SLC35E4: variants seen among roughly 807,000 people sequenced by gnomAD.
The protein encoded by SLC35E4 is solute carrier family 35, member E4.
Under a neutral mutation model 19.3 loss-of-function variants are expected in SLC35E4, and 15 were observed. The ratio of observed to expected loss-of-function variants is 0.78; its 90% CI spans 0.52 to 1.20. The LOEUF (loss-of-function observed/expected upper bound fraction) is 1.20, where lower values mean the gene tolerates loss of function less well. SLC35E4 is among the 50% of genes most tolerant of loss of function. SLC35E4 has a pLI of 0.00. For missense variants in SLC35E4, 406 were observed against 472.3 expected (o/e 0.86, Z 1.30); for synonymous variants, 219 against 219.9 (o/e 1.00, Z 0.04).
chr22:30,665,400 C>A, downstream of SLC35E4: 1 of 381,804 alleles, frequency 2.6e-6, no homozygotes, highest in African/African-American at 2.1e-5. Context: ...GTGAACCGAG[C>A]CACTTACAGT....
downstream of SLC35E4, among the ~76,000 whole-genome samples, chr22:30,651,417 ATATATATATATTTTTTTTTTTT>A (rs1569062016): frequency 9.6e-4 from 64 of 66,496 alleles, no homozygotes; most frequent in Middle Eastern, 0.016. Context: ...ATATATATAT[ATATATATATATTTTTTTTTTTT>A]TTTTTTTTTT....
chr22:30,639,466 A>G (rs1013556525), intron 1 of SLC35E4, among the ~76,000 whole-genome samples: 1 of 152,178 alleles, frequency 6.6e-6, no homozygotes, highest in African/African-American at 2.4e-5. Flanking sequence ...GCAGACAACC[A>G]GTCTGACCAA....
At chr22:30,643,609 G>A (rs1327930510) in intron 1 of SLC35E4, among the ~76,000 whole-genome samples, 1 of 152,036 alleles carries the variant, frequency 6.6e-6, no homozygotes, top group Non-Finnish European at 1.5e-5. Context: ...CTGCCGGGGT[G>A]AGCCGGCATC....
chr22:30,667,015 C>G (rs1049729537), downstream of SLC35E4: 1 of 151,954 alleles, frequency 6.6e-6, no homozygotes, highest in African/African-American at 2.4e-5. Context: ...GAAGAAATCA[C>G]AAAAGATCTA....
chr22:30,662,280 T>C (rs1285614918), exon 3 of SLC35E4: 1 of 152,176 alleles, frequency 6.6e-6, no homozygotes, highest in Non-Finnish European at 1.5e-5. Context: ...AGGGCTGTCA[T>C]TGGACAGATG....
At chr22:30,663,772 G>T (rs199672327), downstream of SLC35E4, 1 of 1,614,098 alleles carries the variant, frequency 6.2e-7, no homozygotes. Context: ...TCACAGAGAC[G>T]TGAGTTAGGG....
rs1016436487 is a variant in SLC35E4 at position 30,646,474 on chromosome 22, G to A, written c.620-124G>A. 25 of 1,132,186 alleles carry A rather than the reference G, an allele frequency of 2.2e-5. No homozygotes were observed. The South Asian group carries it at 3.0e-4, about 14-fold the overall frequency. The allele number at this position is 1,132,186 out of a possible 1,614,324, so 70.1% of individuals were successfully genotyped here. A position where few individuals can be genotyped will look rare whatever the true frequency, so the allele number is the denominator to read the frequency against. On this transcript the variant is annotated intron_variant, in intron 1 of 1. Coordinates refer to ENST00000343605, the MANE Select transcript of SLC35E4 (RefSeq NM_001001479.4). Reference sequence around the variant, plus strand: ...TCTTGACTGTCATGTTTCAGATCAGGAGCCACTAGCCCTGCCCGAGGGGTC... The same window carrying A: ...TCTTGACTGTCATGTTTCAGATCAGAAGCCACTAGCCCTGCCCGAGGGGTC...
downstream of SLC35E4, among the ~76,000 whole-genome samples, chr22:30,651,417 ATATATATATATTTTTTTTTTTTT>A (rs1384699083): frequency 2.1e-4 from 14 of 66,504 alleles, no homozygotes; most frequent in Non-Finnish European, 2.8e-4. Flanking sequence ...ATATATATAT[ATATATATATATTTTTTTTTTTTT>A]TTTTTTTTTT....
chr22:30,660,876 G>A lies in SLC35E4; in HGVS notation c.*9-1184G>A, dbSNP rs1157925306. The stretch of plus-strand genomic sequence containing the variant: ...TTTTTTTGAGATGGAGTCTTGCTCT[G>A]TTGCCCAGGCTGGAGTGCAATGTCC... On this transcript the variant is annotated intron_variant, in intron 2 of 2. Coordinates refer to the SLC35E4 transcript ENST00000406566. Among the ~76,000 whole-genome samples, 3 of 148,808 alleles carry A rather than the reference G, an allele frequency of 2.0e-5. No individual in the cohort carries two copies. The South Asian group carries it at 6.3e-4, about 31-fold the overall frequency.
At chr22:30,642,665 A>G (rs1429811448) in intron 1 of SLC35E4, among the ~76,000 whole-genome samples, 1 of 143,734 alleles carries the variant, frequency 7.0e-6, no homozygotes, top group African/African-American at 2.6e-5. Flanking sequence ...CTCTTGAACC[A>G]GGGAGGCGGA....
downstream of SLC35E4, among the ~76,000 whole-genome samples, chr22:30,651,425 ATATTTTTTTTTTTTTTT>A (rs1569062146): frequency 5.7e-3 from 157 of 27,414 alleles, no homozygotes; most frequent in East Asian, 0.021. Context: ...ATATATATAT[ATATTTTTTTTTTTTTTT>A]TTTTTTTTTT....
chr22:30,651,427 A>ATTTTTTTTTTTTTTTT (rs1160256288), downstream of SLC35E4, among the ~76,000 whole-genome samples: 1 of 22,170 alleles, frequency 4.5e-5, no homozygotes, highest in African/African-American at 2.1e-4. Context: ...ATATATATAT[A>ATTTTTTTTTTTTTTTT]TTTTTTTTTT....
At chr22:30,642,081 G>A (rs2088050790) in intron 1 of SLC35E4, among the ~76,000 whole-genome samples, 2 of 152,068 alleles carry the variant, frequency 1.3e-5, no homozygotes, top group Admixed American at 1.3e-4. Flanking sequence ...GGAGTGCAGT[G>A]GCTCACTGCG....
Position 30,636,290 on chromosome 22 carries a change from G to GCTGGCACAGGC in SLC35E4, c.-152_-142dup. The GCTGGCACAGGC allele has an allele frequency of 1.9e-6, 2 of 1,042,038 alleles. No homozygotes were observed. Among genetic ancestry groups the GCTGGCACAGGC allele is most frequent in the African/African-American group, 1.6e-5 (1 of 61,972 alleles). 64.5% of individuals were successfully genotyped at this position (1,042,038 alleles called of 1,614,324 possible). Reference sequence around the variant, plus strand: ...AAACACAGCTTAGCTTCTAGACATCGCTGGCACAGGCCTGGCACAAGTAAG... The same window carrying GCTGGCACAGGC: ...AAACACAGCTTAGCTTCTAGACATCGCTGGCACAGGCCTGGCACAGGCCTGGCACAAGTAAG... On this transcript the variant is annotated 5_prime_UTR_variant, in exon 1 of 2. Coordinates refer to ENST00000343605, the MANE Select transcript of SLC35E4 (RefSeq NM_001001479.4).
intron 2 of SLC35E4, among the ~76,000 whole-genome samples, chr22:30,655,730 G>A (rs761362807): frequency 7.9e-5 from 12 of 152,034 alleles, no homozygotes; most frequent in Non-Finnish European, 1.8e-4. Context: ...GGTCTGTGGG[G>A]TGCCTTCTTA....
chr22:30,648,622 C>T (rs953319351), downstream of SLC35E4, among the ~76,000 whole-genome samples: 1 of 152,118 alleles, frequency 6.6e-6, no homozygotes, highest in Non-Finnish European at 1.5e-5. Context: ...GGCCTGCTGG[C>T]GTGCACCTGA....
chr22:30,664,115 G>A (rs1205124085), downstream of SLC35E4: 1 of 977,608 alleles, frequency 1.0e-6, no homozygotes, highest in Admixed American at 2.5e-5. Flanking sequence ...GAGGGCAGGT[G>A]CCCAGAGGGC....
downstream of SLC35E4, chr22:30,667,318 C>G (rs1424935719): frequency 6.6e-6 from 1 of 152,242 alleles, no homozygotes; most frequent in South Asian, 2.1e-4. Context: ...TCGTGAAATA[C>G]TAAGTTATAA....
At chr22:30,654,575 C>A in intron 2 of SLC35E4, 1 of 454,944 alleles carries the variant, frequency 2.2e-6, no homozygotes. Flanking sequence ...CCAGAAGATG[C>A]GGCTGGGGAC....
Sources: allele counts gnomAD v4.1 joint callset (sites outside exome capture counted in the v4.1 genomes callset), GRCh38; gene constraint gnomAD v4.1.1; transcripts MANE v1.5; gene names NCBI Gene and HGNC (gene_info 2026-07-23, HGNC 2026-07-21).